The following CSMD2 variants were observed in gnomAD, a reference collection of about 807,000 sequenced individuals.
CSMD2 encodes the protein CUB and Sushi multiple domains 2.
CSMD2 carries 130 observed loss-of-function variants against 398.5 expected under a neutral mutation model. That is an observed-to-expected ratio of 0.33 (90% CI 0.28 to 0.38). CSMD2 has a LOEUF of 0.38. CSMD2 is among the 10% of genes least tolerant of loss of function. The pLI, the probability that CSMD2 is intolerant of heterozygous loss-of-function variation, is 1.00. For missense variants in CSMD2, 3,829 were observed against 4,764.9 expected, an observed-to-expected ratio of 0.80 and a Z score of 5.78; for synonymous variants, 1,828 against 1,908.5, an observed-to-expected ratio of 0.96 and a Z score of 1.10.
intron 1 of CSMD2, among the ~76,000 whole-genome samples, chr1:34,159,023 C>T (rs1312617191): frequency 6.6e-6 from 1 of 152,200 alleles, no homozygotes; most frequent in Non-Finnish European, 1.5e-5. Flanking sequence ...CTTGGGAATG[C>T]CCAACAGGGT....
At chr1:34,004,133 G>A (rs1646986319) in intron 3 of CSMD2, among the ~76,000 whole-genome samples, 1 of 152,152 alleles carries the variant, frequency 6.6e-6, no homozygotes, top group South Asian at 2.1e-4. Flanking sequence ...AGATGTCTGG[G>A]GAAATATAAT....
chr1:33,793,826 G>C lies in CSMD2; in HGVS notation c.1447-1300C>G, dbSNP rs925019034. On this transcript the variant is annotated intron_variant, in intron 10 of 70. Transcript: ENST00000373381. ...AGGATGCATGTGGTGCTGAGGGGAGGGAAAGATCCAGGATAAGTTGCAGGT... is the reference window on the plus strand; with the variant it reads ...AGGATGCATGTGGTGCTGAGGGGAGCGAAAGATCCAGGATAAGTTGCAGGT... 3.3e-5 allele frequency among the ~76,000 whole-genome samples: 5 copies of C among 152,008 alleles called. No homozygotes were observed. The South Asian group carries it at 8.3e-4, about 25-fold the overall frequency.
chr1:34,029,859 AT>A (rs1650185154), intron 3 of CSMD2, among the ~76,000 whole-genome samples: 2 of 152,204 alleles, frequency 1.3e-5, no homozygotes, highest in South Asian at 2.1e-4. Context: ...ACCTGACATC[AT>A]TATGTGGCTG....
At chr1:33,605,755 G>A in intron 41 of CSMD2, 1 of 934,648 alleles carries the variant, frequency 1.1e-6, no homozygotes, top group Non-Finnish European at 1.6e-6. Flanking sequence ...AATTCCGTAG[G>A]AAAAGGAGGC....
At chr1:33,767,124 A>G (rs1202112964) in intron 13 of CSMD2, among the ~76,000 whole-genome samples, 2 of 152,242 alleles carry the variant, frequency 1.3e-5, no homozygotes, top group South Asian at 2.1e-4. Flanking sequence ...TATTCACTTG[A>G]CAGAAGAACC....
chr1:33,709,550 C>T, intron 21 of CSMD2: 1 of 479,576 alleles, frequency 2.1e-6, no homozygotes, highest in African/African-American at 1.9e-5. Flanking sequence ...TTTACAATTT[C>T]TCAGTGCTAT....
In CSMD2 at chr1:33,791,982, A is replaced by G. The variant is rs567187691; in HGVS notation, c.1550+441T>C. On this transcript the variant is annotated intron_variant, in intron 11 of 70. Transcript: ENST00000373381. ...ATGTCTATATGGTCCTGATTCTCTGAAACCATCCATTTCCCAGGGAGCTCT... is the reference window on the plus strand; with the variant it reads ...ATGTCTATATGGTCCTGATTCTCTGGAACCATCCATTTCCCAGGGAGCTCT... Among the ~76,000 whole-genome samples the G allele has an allele frequency of 4.6e-5, 7 of 152,256 alleles. 1 individual carries two copies. The South Asian group carries it at 1.5e-3, about 32-fold the overall frequency.
At chr1:33,764,062 G>T (rs983562355) in intron 13 of CSMD2, among the ~76,000 whole-genome samples, 10 of 152,096 alleles carry the variant, frequency 6.6e-5, no homozygotes, top group African/African-American at 2.2e-4. Context: ...CTTGGGTGAG[G>T]ACATGAGTCA....
At chr1:33,845,798 T>A (rs980984770) in intron 6 of CSMD2, among the ~76,000 whole-genome samples, 8 of 152,214 alleles carry the variant, frequency 5.3e-5, no homozygotes, top group Middle Eastern at 3.2e-3. Context: ...CGCTTCTTCC[T>A]TCAGAGCTGC....
Position 33,636,431 on chromosome 1 carries a change from G to A in CSMD2, c.4898C>T (p.Thr1633Ile), listed in dbSNP as rs1642806889. ...CCCCAGGATGCAGCTCAGGGTCGAG[G>A]TGCCCTCAACTTCGTAGCCCCCGTG... is the stretch of plus-strand genomic sequence containing the variant. Reference protein sequence around the residue: ...YCHGGYEVEGTSTLSCILGPD... With the variant: ...YCHGGYEVEGISTLSCILGPD... The change falls in exon 30 of 71, where the codon ACC becomes ATC. Residue 1633 changes from threonine to isoleucine, a missense_variant. Thr to Ile is a moderately conservative substitution (Grantham distance 89). Coordinates refer to ENST00000373381, the MANE Select transcript of CSMD2 (RefSeq NM_001281956.2). This position sits in a 1 kb window ranked among gnomAD's most constrained non-coding sequence, Gnocchi z 4.8. 14 of 1,614,012 alleles carry A rather than the reference G, an allele frequency of 8.7e-6. No individual in the cohort carries two copies. Among genetic ancestry groups the A allele is most frequent in the African/African-American group, 1.3e-5 (1 of 74,906 alleles).
intron 13 of CSMD2, among the ~76,000 whole-genome samples, chr1:33,764,381 C>T (rs950970477): frequency 5.9e-5 from 9 of 152,138 alleles, no homozygotes; most frequent in African/African-American, 2.2e-4. Context: ...CATCCTGCTA[C>T]CACCCCTGAC....
At chr1:33,741,209 A>G (rs555744975) in intron 14 of CSMD2, among the ~76,000 whole-genome samples, 1 of 152,126 alleles carries the variant, frequency 6.6e-6, no homozygotes, top group African/African-American at 2.4e-5. Context: ...ACATAAGTTG[A>G]CTTGAAATCT....
chr1:33,773,445 C>A (rs1475370183), intron 12 of CSMD2, among the ~76,000 whole-genome samples: 1 of 152,206 alleles, frequency 6.6e-6, no homozygotes, highest in Non-Finnish European at 1.5e-5. Context: ...AGTGGTGAGA[C>A]AGACATGGAG....
At chr1:33,745,111 A>G (rs1348006796) in intron 13 of CSMD2, among the ~76,000 whole-genome samples, 1 of 152,244 alleles carries the variant, frequency 6.6e-6, no homozygotes, top group African/African-American at 2.4e-5. Context: ...TTTGACTGCA[A>G]TCATTAAAGT....
rs115945063 is a variant in CSMD2 at position 34,036,055 on chromosome 1, A to G, written c.405-3349T>C. On this transcript the variant is annotated intron_variant, in intron 2 of 70. Transcript: ENST00000373381. ...ATGATACAGGAAAACTGGATTCCTC[A>G]TACAATGCTGGTAGAAATGCAAAAA... is the stretch of plus-strand genomic sequence containing the variant. Among the ~76,000 whole-genome samples, 975 of 152,332 alleles carry G rather than the reference A, an allele frequency of 6.4e-3. 3 individuals carry two copies. Among genetic ancestry groups the G allele is most frequent in the Non-Finnish European group, 9.8e-3 (669 of 68,016 alleles).
chr1:33,680,148 CT>C (rs34735969), intron 25 of CSMD2, among the ~76,000 whole-genome samples: 2,252 of 88,430 alleles, frequency 0.025, 55 homozygotes, highest in African/African-American at 0.07. Flanking sequence ...ATGGCCTCGC[CT>C]TTTTTTTTTT....
At chr1:33,759,825 A>G (rs182679904) in intron 13 of CSMD2, among the ~76,000 whole-genome samples, 13 of 152,290 alleles carry the variant, frequency 8.5e-5, no homozygotes, top group Non-Finnish European at 1.8e-4. Flanking sequence ...TGAGAATGAA[A>G]GATGGCACTA....
At position 33,577,337 on chromosome 1, in the gene CSMD2, T is replaced by C. The variant is rs138161656; in HGVS notation, c.7535A>G (p.Gln2512Arg). 3.9e-4 allele frequency: 628 copies of C among 1,613,716 alleles called. No homozygotes were observed. Among genetic ancestry groups the C allele is most frequent in the Non-Finnish European group, 4.2e-4 (498 of 1,179,836 alleles). Residue 2512 changes from glutamine (Q) to arginine (R), a missense_variant, in exon 49 of 71, where the codon CAG becomes CGG. Around this residue, in one of 5 missense-constraint regions of CSMD2, gnomAD observed 723 missense variants for 758.6 expected, o/e 0.95. Transcript: ENST00000373381. ...HSMAICTRHP[Q>R]GYHLWSEAIP... is the part of the protein sequence containing the mutation. Reference sequence around the variant, plus strand: ...GGCTTCGCTCCACAGGTGGTAGCCCTGGGGGTGCCGGGTACAGATGGCCAT... The same window carrying C: ...GGCTTCGCTCCACAGGTGGTAGCCCCGGGGGTGCCGGGTACAGATGGCCAT...
chr1:33,529,513 G>C (rs892173612), intron 64 of CSMD2, among the ~76,000 whole-genome samples: 1 of 152,192 alleles, frequency 6.6e-6, no homozygotes, highest in Non-Finnish European at 1.5e-5. Flanking sequence ...TTTGACGGGA[G>C]TGTCAAGACA....
Sources: allele counts gnomAD v4.1 joint callset (sites outside exome capture counted in the v4.1 genomes callset), GRCh38; gene constraint gnomAD v4.1.1; regional missense constraint gnomAD v4.1.1; non-coding constraint Gnocchi (gnomAD v3.1); transcripts MANE v1.5; gene names NCBI Gene and HGNC (gene_info 2026-07-23, HGNC 2026-07-21).